SH3KBP1: variants seen among roughly 807,000 people sequenced by gnomAD.
SH3KBP1 encodes the protein SH3 domain containing kinase binding protein 1, also known as SH3 domain-containing kinase-binding protein 1.
SH3KBP1 carries 8 observed loss-of-function variants against 50.1 expected under a neutral mutation model. The observed-to-expected ratio is 0.16, with a 90% CI of 0.09 to 0.29. The LOEUF is 0.29. Ranked by LOEUF, SH3KBP1 falls within the 10% of genes least tolerant of loss-of-function variation. The pLI is 1.00. For missense variants in SH3KBP1, 377 were observed against 535.2 expected (o/e 0.70, Z 2.92); for synonymous variants, 227 against 218.6 (o/e 1.04, Z -0.34).
chrX:19,592,291 C>T (rs982256178), intron 10 of SH3KBP1, 144 bp from the exon 11 acceptor site: 9 of 489,276 alleles, frequency 1.8e-5, no homozygotes, highest in East Asian at 6.8e-5. Flanking sequence ...CTGGCAAGCA[C>T]GAGCTGTTTA....
At chrX:19,564,699 A>G (rs2065786460) in intron 13 of SH3KBP1, among the ~76,000 whole-genome samples, 1 of 111,905 alleles carries the variant, frequency 8.9e-6, no homozygotes, top group African/African-American at 3.3e-5. Flanking sequence ...GATTCTCAGG[A>G]AATGAGACAG....
chrX:19,850,017 C>T (rs2068463201), intron 1 of SH3KBP1, among the ~76,000 whole-genome samples: 1 of 111,823 alleles, frequency 8.9e-6, no homozygotes, highest in African/African-American at 3.3e-5. Flanking sequence ...GTAACTCTAG[C>T]TGGTGTAATC....
intron 3 of SH3KBP1, among the ~76,000 whole-genome samples, chrX:19,731,973 G>A (rs1463463856): frequency 9.8e-5 from 11 of 111,699 alleles, no homozygotes; most frequent in Admixed American, 8.5e-4. Flanking sequence ...AGATGACTAA[G>A]GTTTTCCTTT....
chrX:19,881,849 T>A (rs2069444299), intron 1 of SH3KBP1, among the ~76,000 whole-genome samples: 1 of 111,709 alleles, frequency 9.0e-6, no homozygotes, highest in Admixed American at 9.5e-5. Flanking sequence ...AGACAAAGAC[T>A]TCCAGTCTTC....
At chrX:19,803,417 C>G (rs1413507752) in intron 2 of SH3KBP1, among the ~76,000 whole-genome samples, 1 of 111,546 alleles carries the variant, frequency 9.0e-6, no homozygotes, top group Non-Finnish European at 1.9e-5. Context: ...GCTATGTTGG[C>G]CAGGTTGGTC....
chrX:19,753,774 T>C (rs1231883731), intron 2 of SH3KBP1, among the ~76,000 whole-genome samples: 1 of 111,788 alleles, frequency 8.9e-6, no homozygotes, highest in African/African-American at 3.3e-5. Flanking sequence ...CCAACTTCAT[T>C]AGAACTGTAA....
At chrX:19,855,595 T>C (rs1286668584) in intron 1 of SH3KBP1, among the ~76,000 whole-genome samples, 1 of 111,979 alleles carries the variant, frequency 8.9e-6, no homozygotes, top group Non-Finnish European at 1.9e-5. Context: ...AGGTATTATA[T>C]ATTTTCATTT....
chrX:19,842,622 G>T (rs896817497), intron 1 of SH3KBP1, among the ~76,000 whole-genome samples: 7 of 110,599 alleles, frequency 6.3e-5, no homozygotes, highest in Non-Finnish European at 1.2e-4. Context: ...GACTGTGTTT[G>T]TGCCCTAGCA....
intron 2 of SH3KBP1, among the ~76,000 whole-genome samples, chrX:19,818,105 C>T (rs893379984): frequency 8.9e-6 from 1 of 112,203 alleles, no homozygotes; most frequent in East Asian, 2.8e-4. Flanking sequence ...ATGATGTTCA[C>T]ACAACAACAA....
intron 3 of SH3KBP1, among the ~76,000 whole-genome samples, chrX:19,736,939 C>T (rs1225674818): frequency 9.7e-6 from 1 of 103,077 alleles, no homozygotes; most frequent in African/African-American, 3.6e-5. Context: ...CGGGTTCTCG[C>T]TCTGTCACCC....
At chrX:19,739,863 C>A (rs909540719) in intron 3 of SH3KBP1, among the ~76,000 whole-genome samples, 1 of 110,007 alleles carries the variant, frequency 9.1e-6, no homozygotes, top group Non-Finnish European at 1.9e-5. Context: ...GGTGGAGCCA[C>A]CACCACAAAC....
intron 6 of SH3KBP1, among the ~76,000 whole-genome samples, chrX:19,664,112 G>C (rs892327470): frequency 9.0e-6 from 1 of 111,249 alleles, no homozygotes; most frequent in Admixed American, 9.5e-5. Flanking sequence ...TCAATGGGAC[G>C]CCTCTTTCTC....
intron 13 of SH3KBP1, among the ~76,000 whole-genome samples, chrX:19,565,477 G>A: frequency 9.0e-6 from 1 of 111,531 alleles, no homozygotes; most frequent in African/African-American, 3.3e-5. Flanking sequence ...TAGGGCTATG[G>A]ACGGTGAGAA....
intron 2 of SH3KBP1, among the ~76,000 whole-genome samples, chrX:19,785,009 A>T (rs1466069504): frequency 9.0e-6 from 1 of 110,980 alleles, no homozygotes; most frequent in Admixed American, 9.6e-5. Flanking sequence ...GTATAGGTAC[A>T]TGCCTTGCCC....
At chrX:19,565,976 G>A (rs1433992228) in intron 13 of SH3KBP1, among the ~76,000 whole-genome samples, 2 of 105,984 alleles carry the variant, frequency 1.9e-5, no homozygotes, top group Non-Finnish European at 3.9e-5. Context: ...CCAGGCTGGA[G>A]TACAGTGGTG....
intron 1 of SH3KBP1, among the ~76,000 whole-genome samples, chrX:19,861,504 A>G (rs1053147076): frequency 8.9e-6 from 1 of 112,315 alleles, no homozygotes; most frequent in Non-Finnish European, 1.9e-5. Flanking sequence ...AGATAAAATT[A>G]TAAATTTTAT....
chrX:19,854,425 T>A (rs1296296238), intron 1 of SH3KBP1, among the ~76,000 whole-genome samples: 3 of 111,691 alleles, frequency 2.7e-5, no homozygotes, highest in African/African-American at 9.8e-5. Context: ...CGGCAGCTAT[T>A]TCTTTAAACA....
intron 2 of SH3KBP1, among the ~76,000 whole-genome samples, chrX:19,807,896 T>G (rs2067096054): frequency 8.9e-6 from 1 of 112,770 alleles, no homozygotes; most frequent in Admixed American, 9.3e-5. Flanking sequence ...AGACATTTCA[T>G]AGAAGGTAGC....
chrX:19,569,318 C>G lies in SH3KBP1; in HGVS notation c.1299-130G>C, dbSNP rs184178272. Reference sequence around the variant, plus strand: ...GATGGCACTGTTGCCTGTGAGGGAGCCAGAGAACCAACGAGCTGTCTAGCC... The same window carrying G: ...GATGGCACTGTTGCCTGTGAGGGAGGCAGAGAACCAACGAGCTGTCTAGCC... On this transcript the variant is annotated intron_variant, in intron 12 of 17. Coordinates refer to ENST00000397821, the MANE Select transcript of SH3KBP1 (RefSeq NM_031892.3). The G allele has an allele frequency of 9.5e-4, 539 of 570,264 alleles. 2 individuals carry two copies. The African/African-American group carries it at 9.8e-3, about 10-fold the overall frequency. The allele number at this position is 570,264 out of a possible 1,213,427, so 47.0% of individuals were successfully genotyped here.
Sources: gnomAD v4.1 joint callset for allele counts (sites outside exome capture counted in the v4.1 genomes callset) on GRCh38, gnomAD v4.1.1 for gene constraint, MANE v1.5 for transcripts, NCBI Gene and HGNC (gene_info 2026-07-23, HGNC 2026-07-21) for gene names.